The following NAA35 variants were observed in gnomAD, a reference collection of about 807,000 sequenced individuals.
NAA35 encodes N-alpha-acetyltransferase 35, NatC auxiliary subunit.
A neutral mutation model predicts 101.7 loss-of-function variants in NAA35; 18 were observed. The observed-to-expected ratio is 0.18, with a 90% CI of 0.12 to 0.26. The LOEUF is 0.26. Among genes scored for constraint, NAA35 ranks in the 10% least tolerant of loss-of-function variants. The pLI is 1.00. For missense variants in NAA35, 601 were observed against 886.8 expected, an observed-to-expected ratio of 0.68 and a Z score of 4.09; for synonymous variants, 267 against 273.1, an observed-to-expected ratio of 0.98 and a Z score of 0.22.
intron 4 of NAA35, among the ~76,000 whole-genome samples, 182 bp from the exon 5 acceptor site, chr9:85,959,611 A>G (rs961485916): frequency 6.6e-6 from 1 of 152,084 alleles, no homozygotes. Flanking sequence ...ATAAGAAGAT[A>G]TATTGTTTTT....
rs546197287 is a variant in NAA35, at chr9:85,961,472, G to A, written c.349-541G>A. Among the ~76,000 whole-genome samples, 12 of 152,306 alleles carry A rather than the reference G, an allele frequency of 7.9e-5. No homozygotes were observed. The East Asian group carries it at 2.1e-3, about 27-fold the overall frequency. On this transcript the variant is annotated intron_variant, in intron 5 of 22. Transcript: ENST00000361671. ...CTATTGTTGGTATTCCCAACCTCTAGTACATGGTGCCAGACATATAGTGGT... is the reference window on the plus strand; with the variant it reads ...CTATTGTTGGTATTCCCAACCTCTAATACATGGTGCCAGACATATAGTGGT...
In NAA35 at chr9:85,958,464, A is replaced by G. The variant is rs371639480; in HGVS notation, c.159-8A>G. The G allele has an allele frequency of 1.5e-4, 241 of 1,576,378 alleles. No homozygotes were observed. The highest frequency in any genetic ancestry group is 2.0e-4 in the Non-Finnish European group (229 of 1,154,292). On this transcript the variant is annotated splice_polypyrimidine_tract_variant and splice_region_variant and intron_variant, in intron 3 of 22. Transcript: ENST00000361671. ...AACAATTTGTTGGCTCAATTTTTTTATTTGCAGATTTGGTCTTTTTGAAGC... is the reference window on the plus strand; with the variant it reads ...AACAATTTGTTGGCTCAATTTTTTTGTTTGCAGATTTGGTCTTTTTGAAGC...
intron 11 of NAA35, among the ~76,000 whole-genome samples, chr9:85,983,570 T>C (rs564991775): frequency 6.6e-6 from 1 of 151,052 alleles, no homozygotes; most frequent in South Asian, 2.1e-4. Flanking sequence ...TTAAGAGAAA[T>C]GAGAAAAATC....
chr9:85,996,364 G>T, intron 11 of NAA35, 35 bp from the exon 12 acceptor site: 1 of 1,458,292 alleles, frequency 6.9e-7, no homozygotes, highest in Non-Finnish European at 9.3e-7. Context: ...TCAGAGAAAA[G>T]TTGAAAAATT....
At chr9:86,020,396 T>C (rs1832466974) in intron 21 of NAA35, among the ~76,000 whole-genome samples, 1 of 152,180 alleles carries the variant, frequency 6.6e-6, no homozygotes, top group Admixed American at 6.5e-5. Context: ...TTTTTTGTTA[T>C]TCAGGAAAGC....
At chr9:85,981,223 T>G (rs1345272623) in intron 11 of NAA35, among the ~76,000 whole-genome samples, 1 of 151,994 alleles carries the variant, frequency 6.6e-6, no homozygotes, top group Non-Finnish European at 1.5e-5. Flanking sequence ...CATAAGGAGG[T>G]GGTTATGCAT....
At chr9:85,975,940 A>G (rs1221403013) in intron 8 of NAA35, among the ~76,000 whole-genome samples, 1 of 152,084 alleles carries the variant, frequency 6.6e-6, no homozygotes, top group Non-Finnish European at 1.5e-5. Flanking sequence ...TTTCATAGAG[A>G]TGGGGGAAAA....
At chr9:86,012,800 A>G (rs1331184370) in intron 15 of NAA35, among the ~76,000 whole-genome samples, 1 of 152,236 alleles carries the variant, frequency 6.6e-6, no homozygotes, top group Non-Finnish European at 1.5e-5. Context: ...CTAAAGATCG[A>G]AGGAAGCTAT....
Position 85,959,915 on chromosome 9 carries a change from C to T in NAA35, c.348+48C>T. Reference sequence around the variant, plus strand: ...TGGTTAATTTTAAAACTGTGACTTACCTGAATCTTGTGATTTAAAAGCCTA... The same window carrying T: ...TGGTTAATTTTAAAACTGTGACTTATCTGAATCTTGTGATTTAAAAGCCTA... On this transcript the variant is annotated intron_variant, in intron 5 of 22. Coordinates refer to ENST00000361671, the MANE Select transcript of NAA35 (RefSeq NM_024635.4). 2.2e-6 allele frequency: 3 copies of T among 1,371,788 alleles called. No homozygotes were observed. In the South Asian group the frequency reaches 3.7e-5, roughly 17 times the overall value. The allele number at this position is 1,371,788 out of a possible 1,614,324, so 85.0% of individuals were successfully genotyped here.
chr9:85,993,572 C>T (rs1460906875), intron 11 of NAA35, among the ~76,000 whole-genome samples: 2 of 152,144 alleles, frequency 1.3e-5, no homozygotes, highest in South Asian at 2.1e-4. Context: ...GTGGTAAAAA[C>T]GTTCTTTTTG....
Position 86,003,651 on chromosome 9 carries a change from T to C in NAA35, c.1116+7T>C. 6.5e-7 allele frequency: 1 copy of C among 1,548,660 alleles called. No homozygotes were observed. The highest frequency in any genetic ancestry group is 8.9e-7 in the Non-Finnish European group (1 of 1,128,732). ...TTCAAGATCTCTGTTACAAGTAAGT[T>C]CCACTTAGTATCAAAATACTTATTT... On this transcript the variant is annotated splice_region_variant and intron_variant, in intron 13 of 22. Coordinates refer to ENST00000361671, the MANE Select transcript of NAA35 (RefSeq NM_024635.4).
At chr9:85,971,596 A>G (rs978261039) in intron 6 of NAA35, among the ~76,000 whole-genome samples, 1 of 152,162 alleles carries the variant, frequency 6.6e-6, no homozygotes, top group African/African-American at 2.4e-5. Flanking sequence ...GTCTCAAGCA[A>G]GTGAAATCTG....
intron 20 of NAA35, 85 bp from the exon 21 acceptor site, chr9:86,018,614 T>C (rs1587672614): frequency 1.3e-6 from 2 of 1,516,814 alleles, no homozygotes; most frequent in African/African-American, 1.4e-5. Flanking sequence ...GGATAGAAAA[T>C]GTAGAATTCT....
chr9:85,965,629 A>G (rs1207044856), intron 6 of NAA35, among the ~76,000 whole-genome samples: 1 of 152,148 alleles, frequency 6.6e-6, no homozygotes, highest in African/African-American at 2.4e-5. Context: ...CCCTGTCTCA[A>G]AAAAAGGGTA....
intron 3 of NAA35, among the ~76,000 whole-genome samples, chr9:85,957,470 G>T (rs1305805523): frequency 6.6e-6 from 1 of 152,070 alleles, no homozygotes; most frequent in Non-Finnish European, 1.5e-5. Context: ...TTCGTTCCTG[G>T]GAGAGCAAGA....
intron 11 of NAA35, among the ~76,000 whole-genome samples, chr9:85,987,712 T>C (rs1044477821): frequency 6.6e-6 from 1 of 152,186 alleles, no homozygotes; most frequent in Non-Finnish European, 1.5e-5. Flanking sequence ...ATAGAATCTT[T>C]CCAGTGTCTT....
chr9:86,006,262 T>G (rs145261562), intron 13 of NAA35, among the ~76,000 whole-genome samples: 2 of 152,150 alleles, frequency 1.3e-5, no homozygotes, highest in Non-Finnish European at 2.9e-5. Context: ...GAAAATAGCT[T>G]GGCACGTTCT....
chr9:85,969,191 C>A (rs1382572011), intron 6 of NAA35, among the ~76,000 whole-genome samples: 1 of 145,662 alleles, frequency 6.9e-6, no homozygotes, highest in East Asian at 2.0e-4. Flanking sequence ...CTTTATTATT[C>A]TTAGTTTATT....
At chr9:85,978,526 C>T (rs751686134) in intron 11 of NAA35, 145 bp downstream of exon 11, 1 of 592,940 alleles carries the variant, frequency 1.7e-6, no homozygotes, top group Non-Finnish European at 3.0e-6. Flanking sequence ...AGGCTCTTCT[C>T]TGTAAATATA....
Sources: gnomAD v4.1 joint callset for allele counts (sites outside exome capture counted in the v4.1 genomes callset) on GRCh38, gnomAD v4.1.1 for gene constraint, MANE v1.5 for transcripts, NCBI Gene and HGNC (gene_info 2026-07-23, HGNC 2026-07-21) for gene names.